EXD2: variants seen among roughly 807,000 people sequenced by gnomAD.
EXD2 encodes the protein exonuclease 3'-5' domain-containing protein 2.
Under a neutral mutation model 62.5 loss-of-function variants are expected in EXD2, and 40 were observed. That is an observed-to-expected ratio of 0.64 (90% CI 0.50 to 0.83). EXD2 has a LOEUF of 0.83. Ranked by LOEUF, EXD2 falls within the 40% of genes least tolerant of loss-of-function variation. EXD2 has a pLI of 0.00. For synonymous variants in EXD2, 239 were observed against 291.9 expected (o/e 0.82, Z 1.85); for missense variants, 671 against 761.8 (o/e 0.88, Z 1.40).
rs147477784 is a variant in EXD2 at position 69,210,996 on chromosome 14, TC to T, written c.333+1194del. ...CTTGATATTGATGGCTGCTGACTGA[TC>T]AGGGTAGTGGTTGCTGAAGGTTGGA... On this transcript the variant is annotated intron_variant, in intron 3 of 9. Transcript: ENST00000685843. Among the ~76,000 whole-genome samples, 242 of 152,286 alleles carry T rather than the reference TC, an allele frequency of 1.6e-3. 2 individuals carry two copies. Among genetic ancestry groups the T allele is most frequent in the African/African-American group, 5.5e-3 (230 of 41,558 alleles).
chr14:69,209,644 T>C lies in EXD2; in HGVS notation c.174T>C (p.Asp58=), dbSNP rs1342425587. 3.2e-6 allele frequency: 5 copies of C among 1,550,490 alleles called. No homozygotes were observed. The highest frequency in any genetic ancestry group is 2.0e-5 in the Admixed American group (1 of 50,980). The change falls in exon 3 of 10, where the codon GAT becomes GAC. Residue 58 remains aspartate (D), a synonymous_variant. Transcript: ENST00000685843. ...GTAGAGAGCTGCCCCCTCCAGAAGA[T>C]GATCAGCTGCACTCCAGTGCCCCCA... ...LGSRELPPPE[D]DQLHSSAPRS...
intron 3 of EXD2, among the ~76,000 whole-genome samples, chr14:69,217,645 T>C (rs543970013): frequency 5.3e-4 from 81 of 152,254 alleles, no homozygotes; most frequent in African/African-American, 1.9e-3. Flanking sequence ...ACCCATTAAC[T>C]CGTCATTTAC....
At chr14:69,215,636 C>T (rs1361553780) in intron 3 of EXD2, among the ~76,000 whole-genome samples, 1 of 152,168 alleles carries the variant, frequency 6.6e-6, no homozygotes, top group Non-Finnish European at 1.5e-5. Context: ...ACATCCTTGT[C>T]CACATTTGGT....
In EXD2 at chr14:69,206,455, CTTTTTTT is replaced by C. The variant is rs56333403; in HGVS notation, c.-48+2480_-48+2486del. Reference sequence around the variant, plus strand: ...CCCAGCTTCATCTCCCACCCACCCACTTTTTTTTTTTTTTTTTTTTTTTTTTTTTTTG... The same window carrying C: ...CCCAGCTTCATCTCCCACCCACCCACTTTTTTTTTTTTTTTTTTTTTTTTG... On this transcript the variant is annotated intron_variant, in intron 2 of 9. Coordinates refer to ENST00000685843, the MANE Select transcript of EXD2 (RefSeq NM_001193360.2). Among the ~76,000 whole-genome samples, 812 of 94,362 alleles carry C rather than the reference CTTTTTTT, an allele frequency of 8.6e-3. 4 individuals carry two copies. Among genetic ancestry groups the C allele is most frequent in the East Asian group, 0.027 (108 of 3,968 alleles). The allele number at this position is 94,362 out of a possible 152,430, so 61.9% of individuals were successfully genotyped here.
chr14:69,206,455 CTTTTTTTTTTTTTT>C (rs56333403), intron 2 of EXD2, among the ~76,000 whole-genome samples: 2 of 94,644 alleles, frequency 2.1e-5, no homozygotes, highest in African/African-American at 9.0e-5. Context: ...CACCCACCCA[CTTTTTTTTTTTTTT>C]TTTTTTTTTT....
Position 69,234,808 on chromosome 14 carries a change from A to T in EXD2, c.826A>T (p.Ser276Cys). 6.2e-7 allele frequency: 1 copy of T among 1,614,238 alleles called. No homozygotes were observed. Among genetic ancestry groups the T allele is most frequent in the East Asian group, 2.2e-5 (1 of 44,882 alleles). ...SPGEKNDDHS[S>C]WRKVLEKCQG... ...TGGAGAAAAAAACGATGACCACAGT[A>T]GCTGGAGAAAAGTCTTGGAAAAATG... The change falls in exon 6 of 10, where the codon AGC (serine) becomes TGC (cysteine). Residue 276 changes from serine (S) to cysteine (C), a missense_variant. By Grantham distance (112) the Ser-to-Cys change is moderately radical. Transcript: ENST00000685843.
intron 3 of EXD2, among the ~76,000 whole-genome samples, chr14:69,225,666 G>A (rs970809714): frequency 3.3e-5 from 5 of 151,998 alleles, no homozygotes; most frequent in African/African-American, 9.7e-5. Flanking sequence ...AAATTAAAAC[G>A]TGTCACTTTT....
chr14:69,194,373 C>T (rs575796124), intron 1 of EXD2, among the ~76,000 whole-genome samples: 27 of 152,042 alleles, frequency 1.8e-4, no homozygotes, highest in South Asian at 8.3e-4. Flanking sequence ...CTCCTGACCT[C>T]GTGATCCACC....
At chr14:69,208,056 G>A (rs925848914) in intron 2 of EXD2, among the ~76,000 whole-genome samples, 1 of 151,606 alleles carries the variant, frequency 6.6e-6, no homozygotes, top group South Asian at 2.1e-4. Flanking sequence ...CCACCACCAC[G>A]CCTGGCTAAT....
In EXD2 at chr14:69,209,286, A is replaced by G. The variant is rs1489367255; in HGVS notation, c.-47-138A>G. 4 of 471,994 alleles carry G rather than the reference A, an allele frequency of 8.5e-6. No individual in the cohort carries two copies. The East Asian group carries it at 1.0e-4, about 12-fold the overall frequency. The allele number at this position is 471,994 out of a possible 1,614,324, so 29.2% of individuals were successfully genotyped here. A position where few individuals can be genotyped will look rare whatever the true frequency, so the allele number is the denominator to read the frequency against. On this transcript the variant is annotated intron_variant, in intron 2 of 9. Transcript: ENST00000685843. ...ATGAAGAAATTAAACCATTGCTACT[A>G]TTTCACATGGAAATTTATAGCAGTT...
chr14:69,191,880 C>CT (rs1389894506), intron 1 of EXD2: 6 of 152,320 alleles, frequency 3.9e-5, no homozygotes, highest in African/African-American at 1.4e-4. Context: ...TGGGCCTCTC[C>CT]TTTCGACCCC....
At chr14:69,240,856 A>C in intron 9 of EXD2, 28 bp from the exon 10 acceptor site, 1 of 1,602,914 alleles carries the variant, frequency 6.2e-7, no homozygotes, top group Non-Finnish European at 8.5e-7. Flanking sequence ...TGTTTCCCTC[A>C]GACACTTTGT....
intron 1 of EXD2, among the ~76,000 whole-genome samples, chr14:69,197,201 A>G (rs777299344): frequency 3.3e-5 from 5 of 152,218 alleles, no homozygotes; most frequent in Non-Finnish European, 7.3e-5. Flanking sequence ...AGCCTGGGCA[A>G]CAGAGCCAGA....
At chr14:69,226,866 C>G (rs1291125022) in intron 3 of EXD2, among the ~76,000 whole-genome samples, 3 of 151,508 alleles carry the variant, frequency 2.0e-5, no homozygotes, top group African/African-American at 7.3e-5. Flanking sequence ...AATGTACCTC[C>G]TCTGATTAAT....
intron 4 of EXD2, 72 bp downstream of exon 4, chr14:69,229,144 G>A (rs2043477635): frequency 1.3e-6 from 2 of 1,573,796 alleles, no homozygotes; most frequent in Non-Finnish European, 1.7e-6. Context: ...GTAGATGCCT[G>A]GGACTCAATA....
At chr14:69,212,200 A>C (rs564326117) in intron 3 of EXD2, among the ~76,000 whole-genome samples, 14 of 152,176 alleles carry the variant, frequency 9.2e-5, no homozygotes, top group African/African-American at 3.1e-4. Context: ...GCATGGTGAA[A>C]TCCTCCCCTC....
At chr14:69,239,868 C>G (rs116676309) in intron 9 of EXD2, among the ~76,000 whole-genome samples, 35 of 152,320 alleles carry the variant, frequency 2.3e-4, no homozygotes, top group African/African-American at 8.4e-4. Flanking sequence ...TCCCAAAGTG[C>G]TGGGATTACA....
intron 1 of EXD2, 92 bp downstream of exon 1, chr14:69,191,683 G>A (rs935642687): frequency 6.6e-6 from 1 of 152,436 alleles, no homozygotes; most frequent in Non-Finnish European, 1.5e-5. Context: ...GGGTCGTGGA[G>A]CGGGGGGATA....
chr14:69,227,904 G>C (rs1462530435), intron 3 of EXD2: 1 of 150,294 alleles, frequency 6.7e-6, no homozygotes, highest in Non-Finnish European at 1.5e-5. Flanking sequence ...AGATTTAAAG[G>C]CCCTAACTTA....
Sources: gnomAD v4.1 joint callset for allele counts (sites outside exome capture counted in the v4.1 genomes callset) on GRCh38, gnomAD v4.1.1 for gene constraint, MANE v1.5 for transcripts, NCBI Gene and HGNC (gene_info 2026-07-23, HGNC 2026-07-21) for gene names.